GOLM2: variants seen among roughly 807,000 people sequenced by gnomAD.
GOLM2 encodes the protein protein GOLM2.
GOLM2 carries 26 observed loss-of-function variants against 55.9 expected under a neutral mutation model. The ratio of observed to expected loss-of-function variants is 0.47; its 90% CI spans 0.34 to 0.65. GOLM2 has a LOEUF of 0.65. GOLM2 is among the 30% of genes least tolerant of loss of function. The pLI, the probability that GOLM2 is intolerant of heterozygous loss-of-function variation, is 0.01. For synonymous variants in GOLM2, 165 were observed against 194.6 expected (o/e 0.85, Z 1.27); for missense variants, 486 against 531.8 (o/e 0.91, Z 0.85).
chr15:44,315,263 A>G (rs57119348), intron 1 of GOLM2, among the ~76,000 whole-genome samples: 1,699 of 152,330 alleles, frequency 0.011, 38 homozygotes, highest in African/African-American at 0.039. Context: ...GGTGTGGAGA[A>G]AAAGGAGTCA....
chr15:44,327,983 G>T (rs1369093028), intron 2 of GOLM2, among the ~76,000 whole-genome samples: 1 of 152,176 alleles, frequency 6.6e-6, no homozygotes, highest in Non-Finnish European at 1.5e-5. Context: ...AGTCGAATGT[G>T]ATTTAAAATG....
At chr15:44,325,647 A>G (rs948932870) in intron 2 of GOLM2, among the ~76,000 whole-genome samples, 1 of 152,192 alleles carries the variant, frequency 6.6e-6, no homozygotes, top group Admixed American at 6.5e-5. Context: ...TTTTAGTTAC[A>G]GTTTTTAAAT....
Position 44,289,409 on chromosome 15 carries a change from T to G in GOLM2, c.327+53T>G. The G allele has an allele frequency of 2.0e-6, 3 of 1,479,580 alleles. No individual in the cohort carries two copies. Among genetic ancestry groups the G allele is most frequent in the Non-Finnish European group, 2.7e-6 (3 of 1,093,096 alleles). The allele number at this position is 1,479,580 out of a possible 1,614,324, so 91.7% of individuals were successfully genotyped here. A position where few individuals can be genotyped will look rare whatever the true frequency, so the allele number is the denominator to read the frequency against. ...CCCATGGTTTCTTTTCTCCCCGGGG[T>G]CTGGGGCGGGATGTTAATCCGCTAG... On this transcript the variant is annotated intron_variant, in intron 1 of 9. Transcript: ENST00000299957. The surrounding 1 kb of genome is among the most constrained non-coding windows in gnomAD (Gnocchi z 4.8).
At chr15:44,294,762 G>C (rs180809839) in intron 1 of GOLM2, among the ~76,000 whole-genome samples, 1 of 149,492 alleles carries the variant, frequency 6.7e-6, no homozygotes, top group African/African-American at 2.5e-5. Flanking sequence ...AAAATTAACC[G>C]GGCATGGTGG....
At chr15:44,386,793 C>T (rs2079447838) in intron 8 of GOLM2, among the ~76,000 whole-genome samples, 1 of 152,048 alleles carries the variant, frequency 6.6e-6, no homozygotes, top group African/African-American at 2.4e-5. Flanking sequence ...ATTGCTTGAG[C>T]CCAGGAGTTC....
At chr15:44,352,315 G>A (rs1414346499) in intron 6 of GOLM2, among the ~76,000 whole-genome samples, 1 of 152,162 alleles carries the variant, frequency 6.6e-6, no homozygotes, top group African/African-American at 2.4e-5. Context: ...AATATGCACT[G>A]GGGAAAGGAC....
intron 1 of GOLM2, among the ~76,000 whole-genome samples, chr15:44,301,396 G>A (rs1252320493): frequency 1.3e-5 from 2 of 152,088 alleles, no homozygotes; most frequent in East Asian, 3.8e-4. Context: ...TACATATGCT[G>A]TGCTTCCATC....
At chr15:44,315,424 C>A (rs971849056) in intron 1 of GOLM2, among the ~76,000 whole-genome samples, 2 of 152,110 alleles carry the variant, frequency 1.3e-5, no homozygotes, top group Non-Finnish European at 2.9e-5. Context: ...AGAAGCAGAG[C>A]AACTGAGCTG....
chr15:44,338,096 C>T (rs540501032), intron 5 of GOLM2, 141 bp from the exon 6 acceptor site: 10 of 954,908 alleles, frequency 1.0e-5, no homozygotes, highest in East Asian at 5.3e-5. Flanking sequence ...TTTAGAGTTA[C>T]AGCTATGTCC....
intron 8 of GOLM2, among the ~76,000 whole-genome samples, chr15:44,393,179 A>G (rs1255402002): frequency 6.6e-6 from 1 of 152,228 alleles, no homozygotes; most frequent in East Asian, 1.9e-4. Flanking sequence ...AAGTTATTAC[A>G]TGCAAGATTT....
At chr15:44,336,848 G>A (rs1230326918) in intron 4 of GOLM2, among the ~76,000 whole-genome samples, 4 of 152,008 alleles carry the variant, frequency 2.6e-5, no homozygotes, top group Admixed American at 6.6e-5. Flanking sequence ...CCTGGGAGGC[G>A]GAGCTTGGAG....
At chr15:44,330,131 C>T (rs1180361828) in intron 3 of GOLM2, among the ~76,000 whole-genome samples, 7 of 145,544 alleles carry the variant, frequency 4.8e-5, no homozygotes, top group Admixed American at 1.4e-4. Context: ...AGGATGGTCT[C>T]GATCTCCTGA....
rs148783514 is a variant in GOLM2, at chr15:44,398,817, C to G, written c.1073-4070C>G. Among the ~76,000 whole-genome samples the G allele has an allele frequency of 4.5e-3, 689 of 151,992 alleles. 10 individuals are homozygous for G. Among genetic ancestry groups the G allele is most frequent in the African/African-American group, 0.016 (655 of 41,446 alleles). The stretch of plus-strand genomic sequence containing the variant: ...AAGTAGCTGGGATTACAGCCACCCA[C>G]CACCACAGCCAGCTAATTTTTTGTA... On this transcript the variant is annotated intron_variant, in intron 8 of 9. Coordinates refer to ENST00000299957, the MANE Select transcript of GOLM2 (RefSeq NM_138423.4).
chr15:44,399,854 G>T (rs1231874207), intron 8 of GOLM2, among the ~76,000 whole-genome samples: 1 of 152,050 alleles, frequency 6.6e-6, no homozygotes, highest in Admixed American at 6.6e-5. Flanking sequence ...AATTAGCCGG[G>T]CATGGTGGTA....
chr15:44,372,237 G>A (rs1002985176), intron 6 of GOLM2, among the ~76,000 whole-genome samples: 8 of 152,162 alleles, frequency 5.3e-5, no homozygotes, highest in Admixed American at 2.0e-4. Context: ...TGTTCAGTAC[G>A]TCTGTGGTAG....
intron 2 of GOLM2, among the ~76,000 whole-genome samples, chr15:44,327,437 T>C (rs1381358836): frequency 1.3e-5 from 2 of 152,042 alleles, no homozygotes; most frequent in African/African-American, 4.8e-5. Context: ...GGAAAGTGGC[T>C]GTATATATAT....
chr15:44,355,199 A>G, intron 6 of GOLM2: 1 of 170,002 alleles, frequency 5.9e-6, no homozygotes. Context: ...GGCATCATGG[A>G]GGGACTCCTG....
At chr15:44,332,775 A>G (rs971623068) in intron 4 of GOLM2, among the ~76,000 whole-genome samples, 1 of 152,134 alleles carries the variant, frequency 6.6e-6, no homozygotes, top group Non-Finnish European at 1.5e-5. Flanking sequence ...TTCCTAAAGC[A>G]CAGAAATGAG....
intron 8 of GOLM2, chr15:44,382,259 G>C (rs1190347340): frequency 6.6e-6 from 1 of 151,974 alleles, no homozygotes; most frequent in Non-Finnish European, 1.5e-5. Context: ...TACAGTAAGA[G>C]CATAACAAAT....
Sources: allele counts gnomAD v4.1 joint callset (sites outside exome capture counted in the v4.1 genomes callset), GRCh38; gene constraint gnomAD v4.1.1; non-coding constraint Gnocchi (gnomAD v3.1); transcripts MANE v1.5; gene names NCBI Gene and HGNC (gene_info 2026-07-23, HGNC 2026-07-21).